Variants in RECQL5 observed in about 807,000 individuals in gnomAD.
RECQL5 encodes ATP-dependent DNA helicase Q5.
In RECQL5, 88 loss-of-function variants were observed where a neutral mutation model predicts 103.4. That is an observed-to-expected ratio of 0.85 (90% CI 0.72 to 1.02). The LOEUF (loss-of-function observed/expected upper bound fraction) is 1.02, where lower values mean the gene tolerates loss of function less well. RECQL5 is among the 50% of genes least tolerant of loss of function. RECQL5 has a pLI of 0.00. For missense variants in RECQL5, 1,232 were observed against 1,284.3 expected (o/e 0.96, Z 0.62); for synonymous variants, 552 against 507.9 (o/e 1.09, Z -1.17).
intron 7 of RECQL5, among the ~76,000 whole-genome samples, chr17:75,655,999 T>C (rs575809784): frequency 6.6e-6 from 1 of 151,482 alleles, no homozygotes; most frequent in Admixed American, 6.6e-5. Flanking sequence ...TTGTTTTCTC[T>C]TGGTGAGATT....
chr17:75,665,706 AAAAAG>A (rs1332462138), intron 2 of RECQL5, among the ~76,000 whole-genome samples: 11 of 152,050 alleles, frequency 7.2e-5, no homozygotes, highest in African/African-American at 2.6e-4. Flanking sequence ...AAAAAAAAAA[AAAAAG>A]AAGTCTGAGT....
intron 13 of RECQL5, 26 bp downstream of exon 13, chr17:75,630,593 C>G (rs1255177265): frequency 6.2e-7 from 1 of 1,612,334 alleles, no homozygotes; most frequent in East Asian, 2.2e-5. Context: ...TGGAGTGCTC[C>G]TCAGCCCAGT....
intron 8 of RECQL5, among the ~76,000 whole-genome samples, chr17:75,642,764 A>C (rs538733077): frequency 6.6e-6 from 1 of 152,328 alleles, no homozygotes; most frequent in South Asian, 2.1e-4. Context: ...CATGTTGAAG[A>C]TACCACTATT....
chr17:75,666,333 G>C, intron 2 of RECQL5, 95 bp downstream of exon 2: 1 of 1,393,714 alleles, frequency 7.2e-7, no homozygotes, highest in Non-Finnish European at 9.9e-7. Context: ...TGGACCAAAG[G>C]TGAGGCAGTA....
At chr17:75,653,911 ACAAAAC>A (rs1383226138) in intron 7 of RECQL5, among the ~76,000 whole-genome samples, 4 of 151,356 alleles carry the variant, frequency 2.6e-5, no homozygotes, top group African/African-American at 9.8e-5. Context: ...ACAAAACAAA[ACAAAAC>A]AAAAAAAAAA....
intron 8 of RECQL5, among the ~76,000 whole-genome samples, chr17:75,642,450 A>G (rs1335400229): frequency 6.6e-6 from 1 of 152,234 alleles, no homozygotes; most frequent in African/African-American, 2.4e-5. Flanking sequence ...CACACTGGCA[A>G]TAGCAGGCAG....
chr17:75,649,647 C>T, intron 8 of RECQL5: 3 of 985,468 alleles, frequency 3.0e-6, no homozygotes, highest in Non-Finnish European at 3.6e-6. Flanking sequence ...GGGGCTTTTT[C>T]TTTGTGCTAC....
intron 3 of RECQL5, among the ~76,000 whole-genome samples, chr17:75,664,145 T>C (rs1229406741): frequency 6.6e-6 from 1 of 152,090 alleles, no homozygotes; most frequent in Non-Finnish European, 1.5e-5. Flanking sequence ...CACCAAGTTA[T>C]TACTGTAGTT....
chr17:75,632,694 TG>T (rs921314890), intron 8 of RECQL5, among the ~76,000 whole-genome samples: 1 of 152,108 alleles, frequency 6.6e-6, no homozygotes, highest in Non-Finnish European at 1.5e-5. Context: ...TCCCTCTGCA[TG>T]GGGGTGGCTG....
At position 75,658,476 on chromosome 17, in the gene RECQL5, G is replaced by T; in HGVS notation, c.987-16C>A. 1 of 1,611,918 alleles carries T rather than the reference G, an allele frequency of 6.2e-7. No individual in the cohort carries two copies. Among genetic ancestry groups the T allele is most frequent in the Non-Finnish European group, 8.5e-7 (1 of 1,178,694 alleles). On this transcript the variant is annotated splice_polypyrimidine_tract_variant and intron_variant, in intron 6 of 19. Coordinates refer to ENST00000317905, the MANE Select transcript of RECQL5 (RefSeq NM_004259.7). ...GGCGACAAACCTGTAGGATCCAAAG[G>T]GACAAGCAGCATGAGATGGTGGAGA...
In RECQL5 at chr17:75,640,454, C is replaced by G. The variant is rs1325164023; in HGVS notation, c.1230-8786G>C. On this transcript the variant is annotated intron_variant, in intron 8 of 19. Coordinates refer to ENST00000317905, the MANE Select transcript of RECQL5 (RefSeq NM_004259.7). This position sits in a 1 kb window ranked among gnomAD's most constrained non-coding sequence, Gnocchi z 4.6. ...CGGATCAAGGAGGAAAACCAGTTGT[C>G]CCTTGGGGGAAGCCAAGGGACTTCC... The G allele has an allele frequency of 2.0e-5, 28 of 1,397,066 alleles. No homozygotes were observed. The highest frequency in any genetic ancestry group is 2.9e-5 in the African/African-American group (2 of 68,682). 86.5% of individuals were successfully genotyped at this position (1,397,066 alleles called of 1,614,324 possible). A position where few individuals can be genotyped will look rare whatever the true frequency, so the allele number is the denominator to read the frequency against.
Position 75,640,308 on chromosome 17 carries a change from C to T in RECQL5, c.1230-8640G>A. 6.5e-7 allele frequency: 1 copy of T among 1,550,374 alleles called. No individual in the cohort carries two copies. Among genetic ancestry groups the T allele is most frequent in the Non-Finnish European group, 8.7e-7 (1 of 1,146,394 alleles). On this transcript the variant is annotated intron_variant, in intron 8 of 19. Transcript: ENST00000317905. This position sits in a 1 kb window ranked among gnomAD's most constrained non-coding sequence, Gnocchi z 4.6. Reference sequence around the variant, plus strand: ...GAGCCCGTGGAGATCGTGGCCTTCTCAGTCATCATCCTTTTCACAGGTTAG... The same window carrying T: ...GAGCCCGTGGAGATCGTGGCCTTCTTAGTCATCATCCTTTTCACAGGTTAG...
chr17:75,635,542 G>A (rs2059305237), intron 8 of RECQL5, among the ~76,000 whole-genome samples: 1 of 152,222 alleles, frequency 6.6e-6, no homozygotes, highest in African/African-American at 2.4e-5. Flanking sequence ...CCTGCCAGGG[G>A]TTCAAGCACC....
intron 7 of RECQL5, among the ~76,000 whole-genome samples, chr17:75,651,610 A>G (rs1175822098): frequency 6.6e-6 from 1 of 152,170 alleles, no homozygotes; most frequent in Non-Finnish European, 1.5e-5. Context: ...AAAACAAAAA[A>G]AAGTAACAAG....
In RECQL5 at chr17:75,640,418, CG is replaced by C; in HGVS notation, c.1230-8751del. 6.9e-7 allele frequency: 1 copy of C among 1,443,424 alleles called. No homozygotes were observed. The highest frequency in any genetic ancestry group is 9.1e-7 in the Non-Finnish European group (1 of 1,093,394). The allele number at this position is 1,443,424 out of a possible 1,614,324, so 89.4% of individuals were successfully genotyped here. A position where few individuals can be genotyped will look rare whatever the true frequency, so the allele number is the denominator to read the frequency against. On this transcript the variant is annotated intron_variant, in intron 8 of 19. Coordinates refer to ENST00000317905, the MANE Select transcript of RECQL5 (RefSeq NM_004259.7). This position sits in a 1 kb window ranked among gnomAD's most constrained non-coding sequence, Gnocchi z 4.6. ...CCAGCCAGAGGGCTGGCAGAGGTGG[CG>C]GGTGTCTGCCGGATCAAGGAGGAAA...
intron 8 of RECQL5, chr17:75,650,629 C>G (rs757480885): frequency 6.2e-7 from 1 of 1,612,950 alleles, no homozygotes; most frequent in South Asian, 1.1e-5. Context: ...GGGTGTCTCT[C>G]CTGCAGGCAC....
intron 7 of RECQL5, 119 bp downstream of exon 7, chr17:75,658,179 T>C: frequency 9.5e-6 from 10 of 1,053,706 alleles, no homozygotes; most frequent in Non-Finnish European, 1.4e-5. Flanking sequence ...TTGCTATACT[T>C]ACAGGTTGGG....
At position 75,630,185 on chromosome 17, in the gene RECQL5, T is replaced by G; in HGVS notation, c.1811A>C (p.Lys604Thr). 1 of 1,547,888 alleles carries G rather than the reference T, an allele frequency of 6.5e-7. No homozygotes were observed. The highest frequency in any genetic ancestry group is 8.7e-7 in the Non-Finnish European group (1 of 1,145,070). Residue 604 changes from lysine (K) to threonine (T), a missense_variant and splice_region_variant, in exon 14 of 20, where the codon AAG (lysine) becomes ACG (threonine). Physicochemically the swap from Lys to Thr is moderately conservative, Grantham distance 78. Coordinates refer to ENST00000317905, the MANE Select transcript of RECQL5 (RefSeq NM_004259.7). Reference protein sequence around the residue: ...ANLYKASVLKKVADIHRASKD... With the variant: ...ANLYKASVLKTVADIHRASKD... ...TGGGTCCGCCTGCACCAGGCCCACC[T>G]TCTTCAGCACGCTGGCCTTGTAGAG...
chr17:75,637,022 C>T (rs1173912030), intron 8 of RECQL5: 6 of 152,254 alleles, frequency 3.9e-5, no homozygotes, highest in South Asian at 2.1e-4. Context: ...CGCTGGAGGC[C>T]GGGGTCCACC....
Sources: allele counts gnomAD v4.1 joint callset (sites outside exome capture counted in the v4.1 genomes callset), GRCh38; gene constraint gnomAD v4.1.1; non-coding constraint Gnocchi (gnomAD v3.1); transcripts MANE v1.5; gene names NCBI Gene and HGNC (gene_info 2026-07-23, HGNC 2026-07-21).